Variants in PEPD observed in about 807,000 individuals in gnomAD.
PEPD encodes the protein xaa-Pro dipeptidase.
A neutral mutation model predicts 60.7 loss-of-function variants in PEPD; 53 were observed. The ratio of observed to expected loss-of-function variants is 0.87; its 90% CI spans 0.70 to 1.10. The LOEUF is 1.10. Ranked by LOEUF, PEPD falls within the 50% of genes least tolerant of loss-of-function variation. The pLI is 0.00. For missense variants in PEPD, 711 were observed against 711.9 expected (o/e 1.00, Z 0.01); for synonymous variants, 267 against 284.1 (o/e 0.94, Z 0.60).
intron 9 of PEPD, among the ~76,000 whole-genome samples, chr19:33,453,217 G>A (rs960262816): frequency 6.6e-6 from 1 of 152,126 alleles, no homozygotes; most frequent in African/African-American, 2.4e-5. Context: ...CAGAGGCTGA[G>A]GGGGGAAGGT....
chr19:33,425,535 A>G (rs1969127272), intron 9 of PEPD, among the ~76,000 whole-genome samples: 1 of 152,176 alleles, frequency 6.6e-6, no homozygotes, highest in Admixed American at 6.5e-5. Context: ...GCACAATACG[A>G]GTCCACGGGA....
intron 9 of PEPD, among the ~76,000 whole-genome samples, chr19:33,429,853 A>G (rs1262430557): frequency 6.6e-6 from 1 of 152,272 alleles, no homozygotes; most frequent in Non-Finnish European, 1.5e-5. Context: ...ATAAATGCCC[A>G]AGAAATACTT....
intron 9 of PEPD, among the ~76,000 whole-genome samples, chr19:33,458,661 T>C (rs1188523512): frequency 7.2e-6 from 1 of 139,428 alleles, no homozygotes; most frequent in Admixed American, 7.0e-5. Flanking sequence ...GTATGTGGCA[T>C]GTGTGGTGTG....
intron 3 of PEPD, 56 bp downstream of exon 3, chr19:33,510,972 A>AACC: frequency 6.4e-7 from 1 of 1,571,558 alleles, no homozygotes. Context: ...CACCTCCCCT[A>AACC]CCCACCCCCA....
intron 1 of PEPD, among the ~76,000 whole-genome samples, chr19:33,514,122 G>A (rs1298662361): frequency 1.3e-5 from 2 of 152,200 alleles, no homozygotes; most frequent in African/African-American, 2.4e-5. Flanking sequence ...GCCGGGTGTG[G>A]AGAGATAATG....
At chr19:33,462,957 T>A (rs369079633) in intron 9 of PEPD, 38 bp downstream of exon 9, 28 of 1,385,886 alleles carry the variant, frequency 2.0e-5, no homozygotes, top group Non-Finnish European at 2.9e-5. Flanking sequence ...TACTGTTTTT[T>A]ACCTTTTAAT....
intron 9 of PEPD, among the ~76,000 whole-genome samples, chr19:33,436,470 C>T (rs1969378887): frequency 6.6e-6 from 1 of 152,178 alleles, no homozygotes; most frequent in Non-Finnish European, 1.5e-5. Context: ...GGCTGCAAGG[C>T]TGCATGGCTG....
rs1568444982 is a variant in PEPD, at chr19:33,391,289, A to C, written c.1152+6T>G. On this transcript the variant is annotated splice_donor_region_variant and intron_variant, in intron 13 of 14. Coordinates refer to ENST00000244137, the MANE Select transcript of PEPD (RefSeq NM_000285.4). ...AGGCCACTCCGCCTGCCATGTCCAC[A>C]CTGACCTCTGGGTAGCCTCCCACGT... is the stretch of plus-strand genomic sequence containing the variant. The C allele has an allele frequency of 6.2e-7, 1 of 1,609,320 alleles. No homozygotes were observed. The highest frequency in any genetic ancestry group is 8.5e-7 in the Non-Finnish European group (1 of 1,178,064).
At chr19:33,461,708 C>T (rs1969928930) in intron 9 of PEPD, among the ~76,000 whole-genome samples, 2 of 152,238 alleles carry the variant, frequency 1.3e-5, no homozygotes, top group Non-Finnish European at 2.9e-5. Flanking sequence ...CCCCACAACA[C>T]ACTTCCCATC....
intron 6 of PEPD, among the ~76,000 whole-genome samples, chr19:33,488,414 C>T (rs1970436090): frequency 6.6e-6 from 1 of 152,064 alleles, no homozygotes; most frequent in African/African-American, 2.4e-5. Context: ...GGTTCCATGG[C>T]ATGGTCGAGG....
At chr19:33,491,956 T>C (rs1443731158) in intron 5 of PEPD, among the ~76,000 whole-genome samples, 1 of 151,668 alleles carries the variant, frequency 6.6e-6, no homozygotes. Flanking sequence ...AAATTTTGCT[T>C]CTAAGAGAAG....
chr19:33,455,324 G>C (rs1209382203), intron 9 of PEPD, among the ~76,000 whole-genome samples: 1 of 151,868 alleles, frequency 6.6e-6, no homozygotes, highest in Non-Finnish European at 1.5e-5. Context: ...AAAATAAAAA[G>C]TTTACTGATT....
chr19:33,511,685 A>G (rs1300914451), intron 2 of PEPD, among the ~76,000 whole-genome samples: 1 of 152,212 alleles, frequency 6.6e-6, no homozygotes, highest in Non-Finnish European at 1.5e-5. Flanking sequence ...TTCCAAAATT[A>G]GCCTTGCATA....
intron 2 of PEPD, among the ~76,000 whole-genome samples, chr19:33,511,777 A>T (rs2145354558): frequency 6.6e-6 from 1 of 152,316 alleles, no homozygotes; most frequent in Non-Finnish European, 1.5e-5. Context: ...AAGCATCAAG[A>T]CTAGCCAGAG....
chr19:33,520,187 T>C (rs1971105250), intron 1 of PEPD, among the ~76,000 whole-genome samples: 1 of 152,068 alleles, frequency 6.6e-6, no homozygotes, highest in African/African-American at 2.4e-5. Flanking sequence ...CAGGCCAGCT[T>C]GGAATCCTGA....
At chr19:33,405,230 C>CA (rs1968593618) in intron 11 of PEPD, among the ~76,000 whole-genome samples, 1 of 152,228 alleles carries the variant, frequency 6.6e-6, no homozygotes, top group South Asian at 2.1e-4. Context: ...CCCTGGGCCC[C>CA]ATGGCAGGGA....
chr19:33,437,768 C>T (rs73588263), intron 9 of PEPD, among the ~76,000 whole-genome samples: 1,827 of 152,196 alleles, frequency 0.012, 37 homozygotes, highest in African/African-American at 0.041. Flanking sequence ...CTTGGGGGGG[C>T]GGTGGTGTCA....
In PEPD at chr19:33,420,589, C is replaced by T. The variant is rs142069947; in HGVS notation, c.672-6946G>A. Among the ~76,000 whole-genome samples the T allele has an allele frequency of 5.0e-3, 756 of 152,118 alleles. 10 individuals are homozygous for T. Among genetic ancestry groups the T allele is most frequent in the African/African-American group, 0.017 (720 of 41,486 alleles). On this transcript the variant is annotated intron_variant, in intron 9 of 14. Transcript: ENST00000244137. ...TGGTGGCAGGTGCCTGTAATCCCAG[C>T]TACTTGGGAGGCTGAGACAGGAGAA...
At chr19:33,506,902 A>C (rs1970824618) in intron 3 of PEPD, among the ~76,000 whole-genome samples, 1 of 149,356 alleles carries the variant, frequency 6.7e-6, no homozygotes, top group Non-Finnish European at 1.5e-5. Context: ...CACCCTACAC[A>C]CCACAAACAC....
Sources: gnomAD v4.1 joint callset for allele counts (sites outside exome capture counted in the v4.1 genomes callset) on GRCh38, gnomAD v4.1.1 for gene constraint, MANE v1.5 for transcripts, NCBI Gene and HGNC (gene_info 2026-07-23, HGNC 2026-07-21) for gene names.